TSLP: variants seen among roughly 807,000 people sequenced by gnomAD.
The protein encoded by TSLP is thymic stroma-derived lymphopoietin.
In TSLP, 12 loss-of-function variants were observed where a neutral mutation model predicts 12.4. The ratio of observed to expected loss-of-function variants is 0.97; its 90% confidence interval spans 0.62 to 1.57. The LOEUF (loss-of-function observed/expected upper bound fraction) is 1.57. Among genes scored for constraint, TSLP ranks in the 40% most tolerant of loss-of-function variants. TSLP has a pLI of 0.00. For missense variants in TSLP, 222 were observed against 189.6 expected (o/e 1.17, Z -1.00); for synonymous variants, 97 against 69.5 (o/e 1.40, Z -1.97).
chr5:111,073,688 C>G (rs1383656459), intron 3 of TSLP, 43 bp downstream of exon 3: 1 of 1,579,798 alleles, frequency 6.3e-7, no homozygotes. Context: ...TTGGGGCTAA[C>G]CTCAAATTAA....
chr5:111,075,817 C>A, intron 3 of TSLP, 129 bp from the exon 4 acceptor site: 2 of 937,200 alleles, frequency 2.1e-6, no homozygotes, highest in Non-Finnish European at 3.2e-6. Flanking sequence ...CATGCTAGCA[C>A]ATAGTAAGCA....
chr5:111,071,632 A>T, upstream of TSLP: 1 of 1,452,226 alleles, frequency 6.9e-7, no homozygotes, highest in Non-Finnish European at 9.1e-7. Context: ...AGAGAATGAC[A>T]TGGTAGAAAA....
In TSLP at chr5:111,076,903, G is replaced by A. The variant is rs1260286165; in HGVS notation, c.*829G>A. The A allele has an allele frequency of 1.3e-5, 2 of 152,160 alleles. No individual in the cohort carries two copies. Among genetic ancestry groups the A allele is most frequent in the Non-Finnish European group, 1.5e-5 (1 of 68,050 alleles). 9.4% of individuals were successfully genotyped at this position (152,160 alleles called of 1,614,324 possible). A position where few individuals can be genotyped will look rare whatever the true frequency, so the allele number is the denominator to read the frequency against. On this transcript the variant is annotated 3_prime_UTR_variant, in exon 4 of 4. Coordinates refer to ENST00000344895, the MANE Select transcript of TSLP (RefSeq NM_033035.5). ...CCTCCACTCATCCTTAGAGCCCACTGACTGCTCCCCTTTATACCTGTTGGC... is the reference window on the plus strand; with the variant it reads ...CCTCCACTCATCCTTAGAGCCCACTAACTGCTCCCCTTTATACCTGTTGGC...
In TSLP at chr5:111,072,074, GC is replaced by G; in HGVS notation, c.171+14del. ...ATATATGAGTGGGGTAAGTGAAGAA[GC>G]TTTTTTAAAACAAATGTATTTTCAT... On this transcript the variant is annotated intron_variant, in intron 1 of 3. Coordinates refer to ENST00000344895, the MANE Select transcript of TSLP (RefSeq NM_033035.5). 6.3e-7 allele frequency: 1 copy of G among 1,596,756 alleles called. No individual in the cohort carries two copies. The highest frequency in any genetic ancestry group is 1.3e-5 in the African/African-American group (1 of 74,654).
intron 3 of TSLP, among the ~76,000 whole-genome samples, chr5:111,075,718 A>C (rs1752484628): frequency 6.6e-6 from 1 of 152,186 alleles, no homozygotes; most frequent in South Asian, 2.1e-4. Context: ...CTGAGCAATT[A>C]GTGGAGGCTT....
chr5:111,077,423 C>T lies in TSLP; in HGVS notation c.*1349C>T, dbSNP rs1461982789. 1 of 152,256 alleles carries T rather than the reference C, an allele frequency of 6.6e-6. No individual in the cohort carries two copies. Among genetic ancestry groups the T allele is most frequent in the African/African-American group, 2.4e-5 (1 of 41,438 alleles). 9.4% of individuals were successfully genotyped at this position (152,256 alleles called of 1,614,324 possible). ...TGGGGATAGAAAAGTAGGTAAGACT[C>T]AGCCTTTGTCCAGAGAAGCTCAGGG... is the stretch of plus-strand genomic sequence containing the variant. On this transcript the variant is annotated 3_prime_UTR_variant, in exon 4 of 4. Transcript: ENST00000344895.
Position 111,072,743 on chromosome 5 carries a change from C to A in TSLP, c.172-145C>A, listed in dbSNP as rs897067140. On this transcript the variant is annotated intron_variant, in intron 1 of 3. Transcript: ENST00000344895. ...GCACTATCTAATGGCTATTTCACTG[C>A]CTTGTCAATGACATAGGAAAAAGGT... is the stretch of plus-strand genomic sequence containing the variant. 3.7e-6 allele frequency: 3 copies of A among 821,420 alleles called. No homozygotes were observed. In the East Asian group the frequency reaches 7.7e-5, roughly 21 times the overall value. 50.9% of individuals were successfully genotyped at this position (821,420 alleles called of 1,614,324 possible).
At chr5:111,073,050 C>A in intron 2 of TSLP, 118 bp downstream of exon 2, 9 of 1,266,788 alleles carry the variant, frequency 7.1e-6, no homozygotes, top group Non-Finnish European at 1.0e-5. Context: ...GACGCCGCCG[C>A]CGGGGGAAAG....
Position 111,076,180 on chromosome 5 carries a change from CT to C in TSLP, c.*110del. The C allele has an allele frequency of 7.7e-7, 1 of 1,306,684 alleles. No homozygotes were observed. The highest frequency in any genetic ancestry group is 1.1e-6 in the Non-Finnish European group (1 of 930,532). The allele number at this position is 1,306,684 out of a possible 1,614,324, so 80.9% of individuals were successfully genotyped here. A position where few individuals can be genotyped will look rare whatever the true frequency, so the allele number is the denominator to read the frequency against. On this transcript the variant is annotated 3_prime_UTR_variant, in exon 4 of 4. Coordinates refer to ENST00000344895, the MANE Select transcript of TSLP (RefSeq NM_033035.5). ...GACAAAGAAGACCACAAATAGTTAT[CT>C]TTTAATTACAGAAGAGTTTCTTAAC...
chr5:111,076,303 T>A lies in TSLP; in HGVS notation c.*229T>A, dbSNP rs1293008651. ...GCTTCCATAACATTGATGACTGGCT[T>A]CATGGCAGTAATTCTCGGCTGTAGT... On this transcript the variant is annotated 3_prime_UTR_variant, in exon 4 of 4. Coordinates refer to ENST00000344895, the MANE Select transcript of TSLP (RefSeq NM_033035.5). The A allele has an allele frequency of 2.0e-6, 1 of 497,776 alleles. No individual in the cohort carries two copies. The highest frequency in any genetic ancestry group is 3.9e-5 in the East Asian group (1 of 25,510). 30.8% of individuals were successfully genotyped at this position (497,776 alleles called of 1,614,324 possible).
At chr5:111,071,547 T>C (rs1237168159), upstream of TSLP, 7 of 1,536,056 alleles carry the variant, frequency 4.6e-6, no homozygotes, top group Middle Eastern at 1.7e-4. Context: ...ACTTTACTGA[T>C]GTTAAAATTC....
Position 111,076,061 on chromosome 5 carries a change from T to A in TSLP, c.467T>A (p.Leu156Gln). ...GLWRRFNRPL[L>Q]KQQ ...TGGCGTCGCTTCAATCGACCTTTAC[T>A]GAAACAACAGTAAACCATCTTTATT... The change falls in exon 4 of 4, where the codon CTG becomes CAG. Residue 156 changes from leucine to glutamine, a missense_variant. Leu to Gln is a moderately radical substitution (Grantham distance 113). Coordinates refer to ENST00000344895, the MANE Select transcript of TSLP (RefSeq NM_033035.5). 1 of 1,614,040 alleles carries A rather than the reference T, an allele frequency of 6.2e-7. No individual in the cohort carries two copies. The highest frequency in any genetic ancestry group is 8.5e-7 in the Non-Finnish European group (1 of 1,179,970).
intron 3 of TSLP, among the ~76,000 whole-genome samples, chr5:111,073,910 T>C (rs1354250145): frequency 6.6e-6 from 1 of 152,188 alleles, no homozygotes; most frequent in African/African-American, 2.4e-5. Flanking sequence ...TGAGTGAGAC[T>C]TCTATATCAG....
Position 111,072,061 on chromosome 5 carries a change from G to A in TSLP, c.171G>A (p.Gly57=), listed in dbSNP as rs1752353851. The part of the protein sequence containing the change: ...ISKDLITYMS[G]TKSTEFNNTV... ...AAGACCTGATTACATATATGAGTGGGGTAAGTGAAGAAGCTTTTTTAAAAC... is the reference window on the plus strand; with the variant it reads ...AAGACCTGATTACATATATGAGTGGAGTAAGTGAAGAAGCTTTTTTAAAAC... The change falls in exon 1 of 4, where the codon GGG becomes GGA. Residue 57 remains glycine, a splice_region_variant and synonymous_variant. Transcript: ENST00000344895. 6.2e-7 allele frequency: 1 copy of A among 1,603,392 alleles called. No individual in the cohort carries two copies. The highest frequency in any genetic ancestry group is 8.5e-7 in the Non-Finnish European group (1 of 1,172,578).
At chr5:111,070,617 A>T (rs1269639019), upstream of TSLP, 3 of 152,346 alleles carry the variant, frequency 2.0e-5, no homozygotes, top group Non-Finnish European at 4.4e-5. Context: ...CTAGACAGAC[A>T]TCCTCTAGGG....
Position 111,071,940 on chromosome 5 carries a change from T to A in TSLP, c.50T>A (p.Ile17Asn). The A allele has an allele frequency of 6.2e-7, 1 of 1,614,214 alleles. No homozygotes were observed. Among genetic ancestry groups the A allele is most frequent in the Non-Finnish European group, 8.5e-7 (1 of 1,180,020 alleles). The change falls in exon 1 of 4, where the codon ATC becomes AAC. Residue 17 changes from isoleucine (I) to asparagine (N), a missense_variant. Ile to Asn is a moderately radical substitution (Grantham distance 149). Transcript: ENST00000344895. ...GTTCTGTCAGTTTCTTTCAGGAAAA[T>A]CTTCATCTTACAACTTGTAGGGCTG... is the stretch of plus-strand genomic sequence containing the variant. ...LYVLSVSFRK[I>N]FILQLVGLVL...
At position 111,078,009 on chromosome 5, in the gene TSLP, G is replaced by A. The variant is rs911137463; in HGVS notation, c.*1935G>A. The A allele has an allele frequency of 6.6e-6, 1 of 152,364 alleles. No individual in the cohort carries two copies. Among genetic ancestry groups the A allele is most frequent in the South Asian group, 2.1e-4 (1 of 4,806 alleles). 9.4% of individuals were successfully genotyped at this position (152,364 alleles called of 1,614,324 possible). A position where few individuals can be genotyped will look rare whatever the true frequency, so the allele number is the denominator to read the frequency against. On this transcript the variant is annotated 3_prime_UTR_variant, in exon 4 of 4. Transcript: ENST00000344895. ...GTCAATGTTTCATGGTCAATAAAAA[G>A]GAAGTTGCAAATTGTGATTTAAGCA...
chr5:111,074,252 G>T (rs1162067975), intron 3 of TSLP, among the ~76,000 whole-genome samples: 1 of 152,138 alleles, frequency 6.6e-6, no homozygotes, highest in Non-Finnish European at 1.5e-5. Context: ...ATAGTGTAGT[G>T]GAAAGTTAGG....
Position 111,073,520 on chromosome 5 carries a change from C to G in TSLP, c.226C>G (p.Leu76Val). 4 of 1,614,154 alleles carry G rather than the reference C, an allele frequency of 2.5e-6. No homozygotes were observed. Among genetic ancestry groups the G allele is most frequent in the Non-Finnish European group, 3.4e-6 (4 of 1,180,032 alleles). The change falls in exon 3 of 4, where the codon CTT becomes GTT. Residue 76 changes from leucine to valine, a missense_variant. By Grantham distance (32) the Leu-to-Val change is conservative. Coordinates refer to ENST00000344895, the MANE Select transcript of TSLP (RefSeq NM_033035.5). ...TGCCGCCTATGAGCAGCCACATTGC[C>G]TTACTGAAATCCAGAGCCTAACCTT... is the stretch of plus-strand genomic sequence containing the variant. ...TVSCSNRPHC[L>V]TEIQSLTFNP...
Sources: gnomAD v4.1 joint callset for allele counts (sites outside exome capture counted in the v4.1 genomes callset) on GRCh38, gnomAD v4.1.1 for gene constraint, MANE v1.5 for transcripts, NCBI Gene and HGNC (gene_info 2026-07-23, HGNC 2026-07-21) for gene names.